The following ULK2 variants were observed in gnomAD, a reference collection of about 807,000 sequenced individuals.
The protein encoded by ULK2 is serine/threonine-protein kinase ULK2.
ULK2 carries 76 observed loss-of-function variants against 127.5 expected under a neutral mutation model. That is an observed-to-expected ratio of 0.60 (90% CI 0.50 to 0.72). The LOEUF is 0.72. Ranked by LOEUF, ULK2 falls within the 30% of genes least tolerant of loss-of-function variation. The pLI is 0.00. For missense variants in ULK2, 1,144 were observed against 1,295.9 expected (o/e 0.88, Z 1.80); for synonymous variants, 452 against 461.9 (o/e 0.98, Z 0.28).
At chr17:19,842,139 G>C (rs1011189697) in intron 8 of ULK2, among the ~76,000 whole-genome samples, 2 of 149,576 alleles carry the variant, frequency 1.3e-5, no homozygotes, top group Non-Finnish European at 3.0e-5. Flanking sequence ...ATGCAAACTA[G>C]ACTAAGAAAT....
intron 9 of ULK2, chr17:19,840,453 G>A: frequency 2.1e-6 from 1 of 468,194 alleles, no homozygotes; most frequent in South Asian, 1.7e-5. Context: ...AACTGACATG[G>A]ATAGAAAAGA....
At chr17:19,798,018 A>G (rs2087312369) in intron 17 of ULK2, among the ~76,000 whole-genome samples, 1 of 152,168 alleles carries the variant, frequency 6.6e-6, no homozygotes, top group Non-Finnish European at 1.5e-5. Context: ...TACAACAAAA[A>G]CCTACATTGA....
chr17:19,867,262 A>C (rs900670736), intron 1 of ULK2, 66 bp downstream of exon 1: 1 of 1,319,772 alleles, frequency 7.6e-7, no homozygotes. Flanking sequence ...GGCTGCGCCA[A>C]GTTTCAGAAC....
intron 10 of ULK2, among the ~76,000 whole-genome samples, chr17:19,829,548 A>AAG (rs531835867): frequency 0.01 from 265 of 25,434 alleles, 66 homozygotes; most frequent in African/African-American, 0.012. Context: ...GAAAAAAAAA[A>AAG]GGGGGGGGGC....
intron 20 of ULK2, among the ~76,000 whole-genome samples, chr17:19,790,361 G>A (rs2087125632): frequency 6.6e-6 from 1 of 152,184 alleles, no homozygotes; most frequent in Admixed American, 6.5e-5. Flanking sequence ...AGGTTACAGT[G>A]AGCCAAGATC....
chr17:19,781,791 T>G, intron 23 of ULK2, 98 bp downstream of exon 23: 236 of 1,330,406 alleles, frequency 1.8e-4, no homozygotes, highest in Non-Finnish European at 2.2e-4. Context: ...CTTTTAATAA[T>G]GAGATATGAT....
intron 20 of ULK2, among the ~76,000 whole-genome samples, chr17:19,787,217 G>T (rs2087052882): frequency 2.0e-5 from 3 of 152,154 alleles, no homozygotes; most frequent in African/African-American, 7.2e-5. Flanking sequence ...TCGATCTCTT[G>T]ACCTTGTGAT....
chr17:19,782,255 G>T (rs2086935114), intron 22 of ULK2, among the ~76,000 whole-genome samples, 188 bp from the exon 23 acceptor site: 1 of 152,074 alleles, frequency 6.6e-6, no homozygotes, highest in Non-Finnish European at 1.5e-5. Flanking sequence ...ACCAAATATA[G>T]GTATATGCAT....
intron 16 of ULK2, 134 bp downstream of exon 16, chr17:19,801,625 GGATTGGGGTAAAGATGGA>G: frequency 2.2e-6 from 2 of 924,718 alleles, no homozygotes; most frequent in African/African-American, 1.7e-5. Context: ...GAGGGAGTTG[GGATTGGGGTAAAGATGGA>G]GGGACGGGGT....
chr17:19,825,260 AACT>A (rs1300008215), intron 11 of ULK2, 78 bp from the exon 12 acceptor site: 11 of 1,229,394 alleles, frequency 8.9e-6, no homozygotes, highest in South Asian at 4.0e-5. Context: ...CACTTGCCAA[AACT>A]ACTACACCTT....
rs148260988 is a variant in ULK2 at position 19,797,317 on chromosome 17, T to A, written c.1809+79A>T. On this transcript the variant is annotated intron_variant, in intron 18 of 26. Coordinates refer to ENST00000395544, the MANE Select transcript of ULK2 (RefSeq NM_014683.4). The stretch of plus-strand genomic sequence containing the variant: ...GTCTCAAAAAATAAAATAAAAAAAT[T>A]ATAGCTATTCTCATAATGAATCCTT... 2.4e-4 allele frequency: 334 copies of A among 1,407,934 alleles called. 2 individuals carry two copies. In the East Asian group the frequency reaches 8.1e-3, roughly 34 times the overall value. 87.2% of individuals were successfully genotyped at this position (1,407,934 alleles called of 1,614,324 possible). A position where few individuals can be genotyped will look rare whatever the true frequency, so the allele number is the denominator to read the frequency against.
intron 21 of ULK2, 128 bp from the exon 22 acceptor site, chr17:19,784,033 C>T (rs527908863): frequency 1.6e-6 from 1 of 640,310 alleles, no homozygotes; most frequent in Admixed American, 4.3e-5. Context: ...ACTCACTGAC[C>T]CCCTATGTAC....
rs1234586794 is a variant in ULK2, at chr17:19,804,823, G to C, written c.1165C>G (p.Gln389Glu). ...TCGCTGTGAGGTGACACAGTAGGCT[G>C]ACACTGCCTGCAATCGTAATTTATT... Reference protein sequence around the residue: ...NEFLVCGGQCQPTVSPHSETA... With the variant: ...NEFLVCGGQCEPTVSPHSETA... Residue 389 changes from glutamine to glutamate, a missense_variant, in exon 15 of 27, where the codon CAG becomes GAG. Physicochemically the swap from Gln to Glu is conservative, Grantham distance 29 (BLOSUM62 2). This residue lies in a region of ULK2 where 913 missense variants were observed against 970.5 expected (regional missense o/e 0.94). Coordinates refer to ENST00000395544, the MANE Select transcript of ULK2 (RefSeq NM_014683.4). The C allele has an allele frequency of 6.2e-7, 1 of 1,610,814 alleles. No homozygotes were observed. The highest frequency in any genetic ancestry group is 1.1e-5 in the South Asian group (1 of 90,120).
intron 8 of ULK2, among the ~76,000 whole-genome samples, chr17:19,842,578 A>G (rs1413002955): frequency 6.6e-6 from 1 of 152,184 alleles, no homozygotes; most frequent in Non-Finnish European, 1.5e-5. Flanking sequence ...TCTTTGTAAC[A>G]TAAGAAATTA....
At chr17:19,858,350 T>C (rs2042174892) in intron 3 of ULK2, among the ~76,000 whole-genome samples, 1 of 151,538 alleles carries the variant, frequency 6.6e-6, no homozygotes, top group African/African-American at 2.4e-5. Context: ...CAGTGAGGTG[T>C]GGTCATGCCA....
rs73295879 is a variant in ULK2 at position 19,847,574 on chromosome 17, G to C, written c.296-664C>G. Among the ~76,000 whole-genome samples the C allele has an allele frequency of 7.7e-3, 1,169 of 152,096 alleles. 15 individuals carry two copies. Among genetic ancestry groups the C allele is most frequent in the African/African-American group, 0.026 (1,085 of 41,510 alleles). ...CGTAAATATTTTTTTTTTGAGACAA[G>C]AGTTTCACTCTGTCCCCCAGGCTGG... On this transcript the variant is annotated intron_variant, in intron 5 of 26. Coordinates refer to ENST00000395544, the MANE Select transcript of ULK2 (RefSeq NM_014683.4).
intron 3 of ULK2, among the ~76,000 whole-genome samples, chr17:19,858,765 T>C (rs962803034): frequency 3.3e-5 from 5 of 151,772 alleles, no homozygotes; most frequent in African/African-American, 1.2e-4. Context: ...AAGTCAGGAG[T>C]TCGAGGCCAG....
At chr17:19,794,642 C>T (rs555289336) in intron 20 of ULK2, among the ~76,000 whole-genome samples, 4 of 151,826 alleles carry the variant, frequency 2.6e-5, no homozygotes, top group African/African-American at 9.7e-5. Context: ...CTACAGTATT[C>T]TCTTTGGATT....
Position 19,795,692 on chromosome 17 carries a change from T to G in ULK2, c.2031A>C (p.Gln677His). The change falls in exon 20 of 27, where the codon CAA becomes CAC. Residue 677 changes from glutamine (Q) to histidine (H), a missense_variant. Transcript: ENST00000395544. Reference protein sequence around the residue: ...SVSTGKLSDQQGKTPICRHQG... With the variant: ...SVSTGKLSDQHGKTPICRHQG... Reference sequence around the variant, plus strand: ...GATGTCGACATATAGGAGTCTTTCCTTGTTGATCTGATAACTTCCCGGTAC... The same window carrying G: ...GATGTCGACATATAGGAGTCTTTCCGTGTTGATCTGATAACTTCCCGGTAC... 3.7e-6 allele frequency: 6 copies of G among 1,614,162 alleles called. No individual in the cohort carries two copies. The highest frequency in any genetic ancestry group is 5.1e-6 in the Non-Finnish European group (6 of 1,180,010).
Sources: allele counts gnomAD v4.1 joint callset (sites outside exome capture counted in the v4.1 genomes callset), GRCh38; gene constraint gnomAD v4.1.1; regional missense constraint gnomAD v4.1.1; transcripts MANE v1.5; gene names NCBI Gene and HGNC (gene_info 2026-07-23, HGNC 2026-07-21).